The following BMP2K variants were observed in gnomAD, a reference collection of about 807,000 sequenced individuals.
BMP2K encodes BMP-2-inducible protein kinase.
Under a neutral mutation model 116.0 loss-of-function variants are expected in BMP2K, and 74 were observed. The observed-to-expected ratio is 0.64, with a 90% confidence interval of 0.53 to 0.77. The LOEUF is 0.77. Ranked by LOEUF, BMP2K falls within the 30% of genes least tolerant of loss-of-function variation. The pLI is 0.00. For missense variants in BMP2K, 1,365 were observed against 1,403.6 expected, an observed-to-expected ratio of 0.97 and a Z score of 0.44; for synonymous variants, 486 against 502.5, an observed-to-expected ratio of 0.97 and a Z score of 0.44.
rs574627576 is a variant in BMP2K, at chr4:78,860,801, C to T, written c.988-588C>T. Among the ~76,000 whole-genome samples the T allele has an allele frequency of 2.0e-3, 271 of 133,338 alleles. 11 individuals are homozygous for T. In the South Asian group the frequency reaches 0.059, roughly 29 times the overall value. The allele number at this position is 133,338 out of a possible 152,430, so 87.5% of individuals were successfully genotyped here. A position where few individuals can be genotyped will look rare whatever the true frequency, so the allele number is the denominator to read the frequency against. ...TTTTTTTTTTTTTTTTTTGTGAAGCCCTCGCCATATTGATGTACTCTTTTC... is the reference window on the plus strand; with the variant it reads ...TTTTTTTTTTTTTTTTTTGTGAAGCTCTCGCCATATTGATGTACTCTTTTC... On this transcript the variant is annotated intron_variant, in intron 8 of 15. Coordinates refer to ENST00000502613, the MANE Select transcript of BMP2K (RefSeq NM_198892.2).
chr4:78,788,276 T>G (rs1208021357), intron 1 of BMP2K, among the ~76,000 whole-genome samples: 1 of 152,166 alleles, frequency 6.6e-6, no homozygotes, highest in Non-Finnish European at 1.5e-5. Flanking sequence ...TGGGGGTATA[T>G]GTGCTCAGAT....
intron 15 of BMP2K, among the ~76,000 whole-genome samples, chr4:78,889,759 AATG>A (rs1006658853): frequency 6.6e-6 from 1 of 152,256 alleles, no homozygotes; most frequent in Non-Finnish European, 1.5e-5. Flanking sequence ...TACAATACAG[AATG>A]ATAAGTATAT....
Position 78,912,182 on chromosome 4 carries a change from A to G in BMP2K, c.*149A>G, listed in dbSNP as rs1446867983. On this transcript the variant is annotated 3_prime_UTR_variant, in exon 16 of 16. Transcript: ENST00000502613. Reference sequence around the variant, plus strand: ...GATTTCTAAATAAACCAAATAGAAGAATGAAGTATCTCTACAGGGTAGTAA... The same window carrying G: ...GATTTCTAAATAAACCAAATAGAAGGATGAAGTATCTCTACAGGGTAGTAA... 1 of 733,194 alleles carries G rather than the reference A, an allele frequency of 1.4e-6. No homozygotes were observed. The highest frequency in any genetic ancestry group is 2.2e-6 in the Non-Finnish European group (1 of 446,966). The allele number at this position is 733,194 out of a possible 1,614,324, so 45.4% of individuals were successfully genotyped here. A position where few individuals can be genotyped will look rare whatever the true frequency, so the allele number is the denominator to read the frequency against.
At position 78,870,804 on chromosome 4, in the gene BMP2K, G is replaced by T; in HGVS notation, c.1253G>T (p.Gly418Val). 6.2e-7 allele frequency: 1 copy of T among 1,613,916 alleles called. No individual in the cohort carries two copies. The highest frequency in any genetic ancestry group is 8.5e-7 in the Non-Finnish European group (1 of 1,179,882). Residue 418 changes from glycine (G) to valine (V), a missense_variant, in exon 11 of 16, where the codon GGC becomes GTC. Gly to Val is a moderately radical substitution (Grantham distance 109). This residue lies in a region of BMP2K where 762 missense variants were observed against 756.7 expected (regional missense o/e 1.01). Transcript: ENST00000502613. ...TTAGGGGCACTAAGACCTGGAAATGGCCCTGAAATTTTATTGGGTCAGGGA... is the reference window on the plus strand; with the variant it reads ...TTAGGGGCACTAAGACCTGGAAATGTCCCTGAAATTTTATTGGGTCAGGGA... ...RPKGALRPGNGPEILLGQGPP... is the reference protein window; with the variant it reads ...RPKGALRPGNVPEILLGQGPP...
rs1577933720 is a variant in BMP2K, at chr4:78,859,900, C to T, written c.987+213C>T. The T allele has an allele frequency of 6.1e-5, 35 of 569,550 alleles. No homozygotes were observed. The East Asian group carries it at 1.1e-3, about 17-fold the overall frequency. The allele number at this position is 569,550 out of a possible 1,614,324, so 35.3% of individuals were successfully genotyped here. ...AGATACCTTGGGGAGCTGCAGCAGA[C>T]TCAGGCAGAATATTTTGCATTTTTG... On this transcript the variant is annotated intron_variant, in intron 8 of 15. Transcript: ENST00000502613.
chr4:78,896,571 T>C (rs1733713860), intron 15 of BMP2K, among the ~76,000 whole-genome samples: 1 of 152,182 alleles, frequency 6.6e-6, no homozygotes, highest in Non-Finnish European at 1.5e-5. Flanking sequence ...ACATAGTTTT[T>C]CAGGAAACAT....
chr4:78,871,322 G>A (rs1414175123), intron 11 of BMP2K, among the ~76,000 whole-genome samples: 1 of 152,228 alleles, frequency 6.6e-6, no homozygotes, highest in African/African-American at 2.4e-5. Flanking sequence ...AATAAGCACT[G>A]CAGTTTATAA....
intron 15 of BMP2K, among the ~76,000 whole-genome samples, chr4:78,904,145 A>G (rs750615039): frequency 6.6e-6 from 1 of 151,980 alleles, no homozygotes; most frequent in Admixed American, 6.6e-5. Flanking sequence ...AGTGTTAACA[A>G]TGCATGTCTT....
chr4:78,860,377 G>A (rs1731714672), intron 8 of BMP2K, among the ~76,000 whole-genome samples: 1 of 151,786 alleles, frequency 6.6e-6, no homozygotes, highest in African/African-American at 2.4e-5. Flanking sequence ...AATAGACCCA[G>A]ATTCAGTTTT....
chr4:78,896,784 A>G (rs1283706578), intron 15 of BMP2K, among the ~76,000 whole-genome samples: 2 of 152,194 alleles, frequency 1.3e-5, no homozygotes, highest in African/African-American at 4.8e-5. Flanking sequence ...CATCAAGAAG[A>G]GTTTGCAATA....
chr4:78,860,075 A>G (rs769289957), intron 8 of BMP2K: 1 of 512,860 alleles, frequency 1.9e-6, no homozygotes, highest in Non-Finnish European at 3.9e-6. Context: ...AGCACTGTTA[A>G]CTGAGTAAGT....
At chr4:78,892,477 C>G (rs1733491706) in intron 15 of BMP2K, among the ~76,000 whole-genome samples, 2 of 152,120 alleles carry the variant, frequency 1.3e-5, no homozygotes, top group Non-Finnish European at 2.9e-5. Context: ...CCCTTTTTAT[C>G]AAACTTGCTA....
At chr4:78,908,390 A>G (rs886643778) in intron 15 of BMP2K, among the ~76,000 whole-genome samples, 50 of 152,182 alleles carry the variant, frequency 3.3e-4, no homozygotes, top group African/African-American at 1.2e-3. Flanking sequence ...TTTCTGTGAC[A>G]TTGCACTCAG....
At chr4:78,819,798 A>G (rs923402667) in intron 1 of BMP2K, among the ~76,000 whole-genome samples, 1 of 152,176 alleles carries the variant, frequency 6.6e-6, no homozygotes, top group Non-Finnish European at 1.5e-5. Context: ...TTGTATGCCT[A>G]TTCACTTACC....
At chr4:78,885,135 C>T (rs185782627) in intron 14 of BMP2K, among the ~76,000 whole-genome samples, 181 of 152,190 alleles carry the variant, frequency 1.2e-3, no homozygotes, top group African/African-American at 4.1e-3. Flanking sequence ...TTTAGTAACT[C>T]AATATTAGTG....
intron 1 of BMP2K, among the ~76,000 whole-genome samples, chr4:78,788,435 A>G (rs1258339146): frequency 7.1e-6 from 1 of 141,498 alleles, no homozygotes; most frequent in East Asian, 2.1e-4. Flanking sequence ...ATAGATCCTT[A>G]GTTTCATTAG....
intron 15 of BMP2K, among the ~76,000 whole-genome samples, chr4:78,896,732 G>C (rs1010036278): frequency 6.6e-6 from 1 of 152,118 alleles, no homozygotes; most frequent in Non-Finnish European, 1.5e-5. Context: ...TATTTAAACT[G>C]TTTTTTATCA....
At chr4:78,865,899 G>C in intron 10 of BMP2K, 179 bp downstream of exon 10, 1 of 631,336 alleles carries the variant, frequency 1.6e-6, no homozygotes, top group Non-Finnish European at 2.6e-6. Flanking sequence ...AATTGTTGTA[G>C]GCAAAGGGAA....
intron 1 of BMP2K, among the ~76,000 whole-genome samples, chr4:78,780,484 G>A (rs958635895): frequency 1.1e-4 from 16 of 152,182 alleles, no homozygotes; most frequent in African/African-American, 3.6e-4. Flanking sequence ...AATTTTTCAG[G>A]AAGGTTGTAC....
Sources: allele counts gnomAD v4.1 joint callset (sites outside exome capture counted in the v4.1 genomes callset), GRCh38; gene constraint gnomAD v4.1.1; regional missense constraint gnomAD v4.1.1; transcripts MANE v1.5; gene names NCBI Gene and HGNC (gene_info 2026-07-23, HGNC 2026-07-21).